The following ANKFN1 variants were observed in gnomAD, a reference collection of about 807,000 sequenced individuals.
ANKFN1 encodes ankyrin repeat and fibronectin type-III domain-containing protein 1.
ANKFN1 carries 74 observed loss-of-function variants against 108.7 expected under a neutral mutation model. The ratio of observed to expected loss-of-function variants is 0.68; its 90% CI spans 0.56 to 0.83. ANKFN1 has a LOEUF of 0.83. Ranked by LOEUF, ANKFN1 falls within the 40% of genes least tolerant of loss-of-function variation. The probability of loss-of-function intolerance (pLI) is 0.00; values close to 1 mark genes in which losing one functional copy is unlikely to be tolerated. For missense variants in ANKFN1, 1,505 were observed against 1,382.3 expected (o/e 1.09, Z -1.41); for synonymous variants, 547 against 516.2 (o/e 1.06, Z -0.81).
intron 4 of ANKFN1, among the ~76,000 whole-genome samples, chr17:56,331,165 T>C (rs1217229319): frequency 6.6e-6 from 1 of 152,212 alleles, no homozygotes; most frequent in Non-Finnish European, 1.5e-5. Flanking sequence ...CAATTGCTTC[T>C]AGAGCTTCTC....
In ANKFN1 at chr17:56,292,766, A is replaced by G. The variant is rs1484580264; in HGVS notation, c.54-33455A>G. On this transcript the variant is annotated intron_variant, in intron 3 of 20. Coordinates refer to ENST00000682825, the MANE Select transcript of ANKFN1 (RefSeq NM_001370326.1). Reference sequence around the variant, plus strand: ...ACTGCCATCTCACCTGGTGAAAACTAGCATGCTAGAAAAGAGCACAGGATG... The same window carrying G: ...ACTGCCATCTCACCTGGTGAAAACTGGCATGCTAGAAAAGAGCACAGGATG... Among the ~76,000 whole-genome samples, 3 of 152,176 alleles carry G rather than the reference A, an allele frequency of 2.0e-5. No homozygotes were observed. The East Asian group carries it at 5.8e-4, about 29-fold the overall frequency.
intron 4 of ANKFN1, among the ~76,000 whole-genome samples, chr17:56,342,096 G>A (rs2045974350): frequency 6.6e-6 from 1 of 151,988 alleles, no homozygotes; most frequent in Non-Finnish European, 1.5e-5. Flanking sequence ...TGTGCATAGA[G>A]GTGTTTATCA....
intron 20 of ANKFN1, among the ~76,000 whole-genome samples, chr17:56,509,076 A>G (rs2051662283): frequency 6.6e-6 from 1 of 152,202 alleles, no homozygotes. Context: ...GAATCCTTTT[A>G]TTGGTAGCCA....
chr17:56,383,805 C>A (rs990032700), intron 8 of ANKFN1, among the ~76,000 whole-genome samples: 4 of 152,116 alleles, frequency 2.6e-5, no homozygotes, highest in Admixed American at 6.6e-5. Flanking sequence ...CTAAATAGAC[C>A]AATAACAGGC....
At chr17:56,246,618 T>C (rs1211673126) in intron 3 of ANKFN1, among the ~76,000 whole-genome samples, 5 of 152,268 alleles carry the variant, frequency 3.3e-5, no homozygotes, top group East Asian at 1.9e-4. Flanking sequence ...ATAAATGTTA[T>C]AATTTTTATT....
chr17:56,288,740 G>C (rs185951734), intron 3 of ANKFN1, among the ~76,000 whole-genome samples: 240 of 152,206 alleles, frequency 1.6e-3, no homozygotes, highest in Non-Finnish European at 2.5e-3. Flanking sequence ...TAGAGTAGTA[G>C]ACTCCCCAAA....
At chr17:56,282,871 T>C (rs1231766275) in intron 3 of ANKFN1, among the ~76,000 whole-genome samples, 1 of 152,180 alleles carries the variant, frequency 6.6e-6, no homozygotes, top group African/African-American at 2.4e-5. Context: ...GTTAAAAAAA[T>C]AAAAGTATAA....
At chr17:56,288,870 C>T (rs1263947990) in intron 3 of ANKFN1, among the ~76,000 whole-genome samples, 1 of 152,180 alleles carries the variant, frequency 6.6e-6, no homozygotes, top group Admixed American at 6.5e-5. Flanking sequence ...ACCTTCTTCT[C>T]CAGCTATACG....
rs1214012916 is a variant in ANKFN1 at position 56,492,092 on chromosome 17, T to C, written c.2261-95T>C. The C allele has an allele frequency of 4.7e-6, 3 of 643,710 alleles. No homozygotes were observed. The Admixed American group carries it at 6.8e-5, about 15-fold the overall frequency. The allele number at this position is 643,710 out of a possible 1,614,324, so 39.9% of individuals were successfully genotyped here. ...ATTTTCCACTGATAGGATTAATAAA[T>C]CATGTTTTCATTCAACTTGTTTTCT... On this transcript the variant is annotated intron_variant, in intron 18 of 20. Coordinates refer to ENST00000682825, the MANE Select transcript of ANKFN1 (RefSeq NM_001370326.1).
chr17:56,093,224 G>C (rs1905453439), intron 4 of ANKFN1, among the ~76,000 whole-genome samples: 1 of 150,932 alleles, frequency 6.6e-6, no homozygotes, highest in African/African-American at 2.4e-5. Context: ...ATGATGGCAT[G>C]ATATTAAATC....
intron 4 of ANKFN1, among the ~76,000 whole-genome samples, chr17:56,132,893 C>G (rs1907367991): frequency 6.6e-6 from 1 of 152,186 alleles, no homozygotes; most frequent in African/African-American, 2.4e-5. Context: ...CTAATACCAT[C>G]ACCTTGGTAA....
At chr17:56,129,289 C>T (rs1907129607) in intron 4 of ANKFN1, among the ~76,000 whole-genome samples, 1 of 152,182 alleles carries the variant, frequency 6.6e-6, no homozygotes, top group African/African-American at 2.4e-5. Flanking sequence ...GCCCAGTCCA[C>T]TCTTCAGCCC....
chr17:56,167,611 A>T (rs1045661630), intron 1 of ANKFN1, among the ~76,000 whole-genome samples: 1 of 152,040 alleles, frequency 6.6e-6, no homozygotes, highest in African/African-American at 2.4e-5. Flanking sequence ...AATGTACTAC[A>T]CTATAGTTTA....
At chr17:56,466,233 A>C (rs879439850) in intron 14 of ANKFN1, 123 bp from the exon 15 acceptor site, 3 of 909,212 alleles carry the variant, frequency 3.3e-6, no homozygotes, top group Non-Finnish European at 3.3e-6. Context: ...TAAGTGCAAA[A>C]AAAAAAAAGA....
intron 4 of ANKFN1, among the ~76,000 whole-genome samples, chr17:56,073,293 A>T (rs539040226): frequency 6.6e-6 from 1 of 152,228 alleles, no homozygotes; most frequent in Admixed American, 6.5e-5. Flanking sequence ...CGCCCGGCCT[A>T]TTATTTTCTT....
chr17:56,498,233 A>G (rs2051262858), intron 19 of ANKFN1, among the ~76,000 whole-genome samples: 1 of 152,122 alleles, frequency 6.6e-6, no homozygotes, highest in Admixed American at 6.6e-5. Flanking sequence ...TAGTAAGTCT[A>G]ATATATGAAG....
chr17:56,394,527 GT>G (rs1188246362), intron 8 of ANKFN1, among the ~76,000 whole-genome samples: 2 of 152,134 alleles, frequency 1.3e-5, no homozygotes, highest in African/African-American at 2.4e-5. Flanking sequence ...CAGTGGAGTA[GT>G]GCATAGTGAC....
intron 8 of ANKFN1, among the ~76,000 whole-genome samples, chr17:56,408,403 T>C (rs928848907): frequency 1.4e-4 from 22 of 152,346 alleles, no homozygotes; most frequent in African/African-American, 5.1e-4. Context: ...TAACTCTGGG[T>C]TCCTGTTATG....
In ANKFN1 at chr17:56,157,915, G is replaced by C. The variant is rs530419948; in HGVS notation, c.-71+4385G>C. On this transcript the variant is annotated intron_variant, in intron 1 of 20. Transcript: ENST00000682825. ...TTATTGCCTTAAGCAGTGGAAACTGGGTTACACAGTTCTTCAACTCCAGGT... is the reference window on the plus strand; with the variant it reads ...TTATTGCCTTAAGCAGTGGAAACTGCGTTACACAGTTCTTCAACTCCAGGT... Among the ~76,000 whole-genome samples the C allele has an allele frequency of 2.4e-4, 36 of 152,278 alleles. 1 individual carries two copies. In the South Asian group the frequency reaches 7.5e-3, roughly 32 times the overall value.
Sources: allele counts gnomAD v4.1 joint callset (sites outside exome capture counted in the v4.1 genomes callset), GRCh38; gene constraint gnomAD v4.1.1; transcripts MANE v1.5; gene names NCBI Gene and HGNC (gene_info 2026-07-23, HGNC 2026-07-21).